The following ZNF521 variants were observed in gnomAD, a reference collection of about 807,000 sequenced individuals.
ZNF521 encodes the protein LYST-interacting protein 3.
A neutral mutation model predicts 105.5 loss-of-function variants in ZNF521; 14 were observed. The observed-to-expected ratio is 0.13, with a 90% CI of 0.09 to 0.21. The LOEUF is 0.21. ZNF521 is among the 10% of genes least tolerant of loss of function. The pLI is 1.00. For missense variants in ZNF521, 1,233 were observed against 1,629.7 expected (o/e 0.76, Z 4.19); for synonymous variants, 635 against 606.0 (o/e 1.05, Z -0.70).
chr18:25,207,775 T>C (rs944894589), intron 4 of ZNF521, among the ~76,000 whole-genome samples: 4 of 152,176 alleles, frequency 2.6e-5, no homozygotes, highest in Non-Finnish European at 2.9e-5. Flanking sequence ...AACCTCTTAG[T>C]TCCCCTTCAG....
At chr18:25,093,224 C>G (rs573228843) in intron 5 of ZNF521, among the ~76,000 whole-genome samples, 2 of 152,260 alleles carry the variant, frequency 1.3e-5, no homozygotes, top group Non-Finnish European at 2.9e-5. Flanking sequence ...CCTGGGCACT[C>G]TGGCCTCAGG....
chr18:25,111,216 A>G (rs1434066664), intron 5 of ZNF521, among the ~76,000 whole-genome samples: 1 of 152,070 alleles, frequency 6.6e-6, no homozygotes, highest in African/African-American at 2.4e-5. Flanking sequence ...CTTCCCTGCA[A>G]AGTTTTCTTT....
At chr18:25,196,566 A>G (rs948341598) in intron 4 of ZNF521, among the ~76,000 whole-genome samples, 3 of 151,638 alleles carry the variant, frequency 2.0e-5, no homozygotes, top group African/African-American at 7.3e-5. Flanking sequence ...AAGTACAGGC[A>G]TATTTCCATT....
At chr18:25,105,363 A>G (rs2034051015) in intron 5 of ZNF521, among the ~76,000 whole-genome samples, 1 of 152,154 alleles carries the variant, frequency 6.6e-6, no homozygotes, top group East Asian at 1.9e-4. Flanking sequence ...TCTTCTGCAA[A>G]ATATCAGACT....
intron 3 of ZNF521, among the ~76,000 whole-genome samples, chr18:25,270,105 C>T (rs1021205598): frequency 1.4e-4 from 21 of 152,146 alleles, no homozygotes; most frequent in African/African-American, 5.1e-4. Flanking sequence ...GGGGATATCA[C>T]CAGTGTTCCC....
chr18:25,160,121 C>T (rs959649469), intron 5 of ZNF521, among the ~76,000 whole-genome samples: 3 of 152,174 alleles, frequency 2.0e-5, no homozygotes, highest in Non-Finnish European at 4.4e-5. Context: ...TTGTTAGGCA[C>T]AATCTGGATT....
At chr18:25,240,013 G>A (rs924663724) in intron 3 of ZNF521, among the ~76,000 whole-genome samples, 3 of 151,772 alleles carry the variant, frequency 2.0e-5, no homozygotes, top group Admixed American at 6.6e-5. Flanking sequence ...TTCAGGCTGA[G>A]GAGAACCCAT....
chr18:25,235,481 G>A (rs1455496217), intron 3 of ZNF521, among the ~76,000 whole-genome samples: 1 of 152,168 alleles, frequency 6.6e-6, no homozygotes, highest in Non-Finnish European at 1.5e-5. Context: ...CACGTTAATG[G>A]TTTTGGAAGA....
chr18:25,153,223 T>C (rs1364885439), intron 5 of ZNF521, among the ~76,000 whole-genome samples: 1 of 152,210 alleles, frequency 6.6e-6, no homozygotes, highest in African/African-American at 2.4e-5. Flanking sequence ...TACTAATATT[T>C]TAAGTAATTC....
intron 3 of ZNF521, among the ~76,000 whole-genome samples, chr18:25,311,831 T>A (rs2145111006): frequency 6.6e-6 from 1 of 152,284 alleles, no homozygotes; most frequent in East Asian, 1.9e-4. Context: ...GCAAAACAAT[T>A]TACAGACAAA....
rs190764391 is a variant in ZNF521, at chr18:25,252,840, C to T, written c.221-25143G>A. Among the ~76,000 whole-genome samples the T allele has an allele frequency of 9.2e-5, 14 of 152,244 alleles. No homozygotes were observed. The East Asian group carries it at 2.3e-3, about 25-fold the overall frequency. ...TTATATCTGAGTTTTAAATGCTGTG[C>T]AAGTGCCTGTGCTTTCTACTGGCTT... On this transcript the variant is annotated intron_variant, in intron 3 of 7. Transcript: ENST00000361524.
intron 5 of ZNF521, among the ~76,000 whole-genome samples, chr18:25,175,440 T>C (rs1401393161): frequency 1.3e-5 from 2 of 152,166 alleles, no homozygotes; most frequent in Non-Finnish European, 2.9e-5. Context: ...AAAGTTGAAA[T>C]GGATCAACTC....
chr18:25,277,423 T>TA (rs1032340842), intron 3 of ZNF521, among the ~76,000 whole-genome samples: 10 of 151,466 alleles, frequency 6.6e-5, no homozygotes, highest in Non-Finnish European at 8.8e-5. Context: ...CACAAAAAAA[T>TA]AAAAAAAACC....
rs11343299 is a variant in ZNF521, at chr18:25,312,817, CAAAAAAAAAAA to C, written c.220+9180_220+9190del. ...TGGGCGACAGAGCGAGACTCCGTCT[CAAAAAAAAAAA>C]AAAAAAAAAAAAAGAAGTTGGAACC... On this transcript the variant is annotated intron_variant, in intron 3 of 7. Transcript: ENST00000361524. Among the ~76,000 whole-genome samples, 4 of 16,250 alleles carry C rather than the reference CAAAAAAAAAAA, an allele frequency of 2.5e-4. 1 individual carries two copies. The highest frequency in any genetic ancestry group is 4.1e-4 in the African/African-American group (2 of 4,880). The allele number at this position is 16,250 out of a possible 152,430, so 10.7% of individuals were successfully genotyped here. A position where few individuals can be genotyped will look rare whatever the true frequency, so the allele number is the denominator to read the frequency against.
chr18:25,183,463 A>G (rs1454593620), intron 5 of ZNF521, among the ~76,000 whole-genome samples: 3 of 152,152 alleles, frequency 2.0e-5, no homozygotes, highest in Admixed American at 1.3e-4. Context: ...TGAGGTATTC[A>G]GTAGGTGTGA....
chr18:25,296,616 C>T (rs1008550307), intron 3 of ZNF521, among the ~76,000 whole-genome samples: 3 of 152,154 alleles, frequency 2.0e-5, no homozygotes, highest in Admixed American at 6.6e-5. Context: ...TTGGCCTTCT[C>T]AGGTCACACA....
chr18:25,159,982 T>C (rs951886778), intron 5 of ZNF521, among the ~76,000 whole-genome samples: 1 of 152,154 alleles, frequency 6.6e-6, no homozygotes, highest in African/African-American at 2.4e-5. Context: ...TAATGTGTCA[T>C]TAGTTTGTAA....
chr18:25,284,910 G>GCACACACACACA (rs45525437), intron 3 of ZNF521, among the ~76,000 whole-genome samples: 2 of 148,602 alleles, frequency 1.3e-5, no homozygotes, highest in East Asian at 3.9e-4. Flanking sequence ...GTGCGCGCGC[G>GCACACACACACA]CACACACACA....
At chr18:25,080,095 A>G (rs2033459048) in intron 7 of ZNF521, among the ~76,000 whole-genome samples, 1 of 152,236 alleles carries the variant, frequency 6.6e-6, no homozygotes, top group African/African-American at 2.4e-5. Context: ...GCAGGAAAGA[A>G]GCTGTCCTCC....
Sources: allele counts gnomAD v4.1 joint callset (sites outside exome capture counted in the v4.1 genomes callset), GRCh38; gene constraint gnomAD v4.1.1; transcripts MANE v1.5; gene names NCBI Gene and HGNC (gene_info 2026-07-23, HGNC 2026-07-21).